FSIP2: variants seen among roughly 807,000 people sequenced by gnomAD.
FSIP2 encodes fibrous sheath interacting protein 2, also known as fibrous sheath-interacting protein 2.
A neutral mutation model predicts 510.5 loss-of-function variants in FSIP2; 367 were observed. The ratio of observed to expected loss-of-function variants is 0.72; its 90% CI spans 0.66 to 0.78. The LOEUF (loss-of-function observed/expected upper bound fraction) is 0.78. Among genes scored for constraint, FSIP2 ranks in the 30% least tolerant of loss-of-function variants. The pLI is 0.00. For synonymous variants in FSIP2, 2,601 were observed against 2,732.2 expected, an observed-to-expected ratio of 0.95 and a Z score of 1.50; for missense variants, 7,594 against 7,901.7, an observed-to-expected ratio of 0.96 and a Z score of 1.48.
chr2:185,797,133 ATT>A lies in FSIP2; in HGVS notation c.9998_9999del (p.Ile3333SerfsTer17). ...PLKICLAAEN[I>X]VNTVLSSCGF... ...CAAAATATGTTTAGCTGCAGAAAAT[ATT>A]GTCAATACTGTGCTATCCAGCTGTG... On this transcript the variant is annotated frameshift_variant, in exon 16 of 23. Coordinates refer to ENST00000424728, the MANE Select transcript of FSIP2 (RefSeq NM_173651.4). LOFTEE classifies it high-confidence loss of function. 6.5e-7 allele frequency: 1 copy of A among 1,535,048 alleles called. No individual in the cohort carries two copies. Among genetic ancestry groups the A allele is most frequent in the Non-Finnish European group, 8.7e-7 (1 of 1,146,256 alleles).
chr2:185,803,158 T>C lies in FSIP2; in HGVS notation c.13852T>C (p.Tyr4618His). 1 of 1,532,154 alleles carries C rather than the reference T, an allele frequency of 6.5e-7. No individual in the cohort carries two copies. The highest frequency in any genetic ancestry group is 8.7e-7 in the Non-Finnish European group (1 of 1,144,672). 94.9% of individuals were successfully genotyped at this position (1,532,154 alleles called of 1,614,324 possible). ...AAGGCAGTTATTTTATACCAGTGTT[T>C]ACTCTTCAACATTCTTGGAAGATGT... ...ERRQLFYTSV[Y>H]SSTFLEDVIS... The change falls in exon 17 of 23, where the codon TAC (tyrosine) becomes CAC (histidine). Residue 4618 changes from tyrosine to histidine, a missense_variant. By Grantham distance (83) the Tyr-to-His change is moderately conservative. Coordinates refer to ENST00000424728, the MANE Select transcript of FSIP2 (RefSeq NM_173651.4).
chr2:185,807,171 T>C lies in FSIP2; in HGVS notation c.17865T>C (p.Asn5955=), dbSNP rs773267885. The stretch of plus-strand genomic sequence containing the variant: ...GAAGACTAACTAGTGCAGTGATAAA[T>C]GAAATTTTCCAACGTCAGGTTAACT... ...LARRLTSAVI[N]EIFQRQVNLI... is the part of the protein sequence containing the mutation. The change falls in exon 17 of 23, where the codon AAT becomes AAC. Residue 5955 remains asparagine (N), a synonymous_variant. Coordinates refer to ENST00000424728, the MANE Select transcript of FSIP2 (RefSeq NM_173651.4). 8 of 1,601,862 alleles carry C rather than the reference T, an allele frequency of 5.0e-6. No homozygotes were observed. In the Admixed American group the frequency reaches 1.4e-4, roughly 28 times the overall value.
intron 13 of FSIP2, among the ~76,000 whole-genome samples, chr2:185,768,116 A>G (rs1434987810): frequency 1.3e-5 from 2 of 151,960 alleles, no homozygotes. Flanking sequence ...TTTATTTTTA[A>G]TAATTTTTTT....
chr2:185,760,898 A>C, intron 9 of FSIP2, 90 bp from the exon 10 acceptor site: 1 of 504,510 alleles, frequency 2.0e-6, no homozygotes, highest in Non-Finnish European at 3.4e-6. Context: ...AAATAATTAA[A>C]TAGATACAAT....
Position 185,790,407 on chromosome 2 carries a change from A to G in FSIP2, c.3271A>G (p.Ile1091Val). ...LKKKLSSNKD[I>V]STFSQDQKHQ... ...GAAAAAACTTTCTTCGAATAAAGACATTTCAACTTTCAGCCAAGATCAAAA... is the reference window on the plus strand; with the variant it reads ...GAAAAAACTTTCTTCGAATAAAGACGTTTCAACTTTCAGCCAAGATCAAAA... The change falls in exon 16 of 23, where the codon ATT becomes GTT. Residue 1091 changes from isoleucine to valine, a missense_variant. Transcript: ENST00000424728. The G allele has an allele frequency of 1.3e-6, 2 of 1,530,290 alleles. No individual in the cohort carries two copies. Among genetic ancestry groups the G allele is most frequent in the South Asian group, 1.2e-5 (1 of 82,858 alleles). The allele number at this position is 1,530,290 out of a possible 1,614,324, so 94.8% of individuals were successfully genotyped here.
chr2:185,789,829 A>T lies in FSIP2; in HGVS notation c.2693A>T (p.Gln898Leu). The T allele has an allele frequency of 6.5e-7, 1 of 1,533,076 alleles. No individual in the cohort carries two copies. The highest frequency in any genetic ancestry group is 8.7e-7 in the Non-Finnish European group (1 of 1,144,776). 95.0% of individuals were successfully genotyped at this position (1,533,076 alleles called of 1,614,324 possible). Residue 898 changes from glutamine to leucine, a missense_variant, in exon 16 of 23, where the codon CAG becomes CTG. Physicochemically the swap from Gln to Leu is moderately radical, Grantham distance 113. Coordinates refer to ENST00000424728, the MANE Select transcript of FSIP2 (RefSeq NM_173651.4). ...VQNLISNIFS[Q>L]SSLVAYIEEA... ...AATTTAATATCAAATATTTTTTCCC[A>T]GTCTTCTTTGGTTGCTTATATAGAG...
Position 185,804,357 on chromosome 2 carries a change from C to T in FSIP2, c.15051C>T (p.Tyr5017=). The T allele has an allele frequency of 1.3e-6, 2 of 1,501,210 alleles. No individual in the cohort carries two copies. Among genetic ancestry groups the T allele is most frequent in the Non-Finnish European group, 1.8e-6 (2 of 1,132,632 alleles). The allele number at this position is 1,501,210 out of a possible 1,614,324, so 93.0% of individuals were successfully genotyped here. Residue 5017 remains tyrosine, a synonymous_variant, in exon 17 of 23, where the codon TAC becomes TAT. Transcript: ENST00000424728. ...FDKNLCFSER[Y]KEMVQKIVNS... Reference sequence around the variant, plus strand: ...AAAATTTGTGTTTCTCAGAAAGATACAAAGAAATGGTTCAAAAAATAGTCA... The same window carrying T: ...AAAATTTGTGTTTCTCAGAAAGATATAAAGAAATGGTTCAAAAAATAGTCA...
At chr2:185,745,806 T>C (rs1431634415) in intron 5 of FSIP2, among the ~76,000 whole-genome samples, 1 of 152,094 alleles carries the variant, frequency 6.6e-6, no homozygotes, top group East Asian at 1.9e-4. Context: ...AGATTCAAAA[T>C]CTTTCTATAT....
intron 9 of FSIP2, among the ~76,000 whole-genome samples, chr2:185,759,696 T>C (rs1056395992): frequency 6.8e-6 from 1 of 147,796 alleles, no homozygotes; most frequent in African/African-American, 2.4e-5. Context: ...GTTTTGTTTA[T>C]AATTCTTGCA....
intron 9 of FSIP2, among the ~76,000 whole-genome samples, chr2:185,760,595 T>TA (rs1692330889): frequency 1.3e-5 from 2 of 150,112 alleles, no homozygotes; most frequent in African/African-American, 4.8e-5. Flanking sequence ...GGTAAGTGGA[T>TA]AAAAAATTAT....
At position 185,806,279 on chromosome 2, in the gene FSIP2, G is replaced by A; in HGVS notation, c.16973G>A (p.Arg5658Lys). The A allele has an allele frequency of 1.2e-6, 2 of 1,609,690 alleles. No individual in the cohort carries two copies. The highest frequency in any genetic ancestry group is 1.7e-6 in the Non-Finnish European group (2 of 1,177,718). The change falls in exon 17 of 23, where the codon AGA (arginine) becomes AAA (lysine). Residue 5658 changes from arginine to lysine, a missense_variant. Transcript: ENST00000424728. ...CGAACATCAAGCAATGAGGGGAGAAGAGACTCTCCAACACAAACGTGTAGG... is the reference window on the plus strand; with the variant it reads ...CGAACATCAAGCAATGAGGGGAGAAAAGACTCTCCAACACAAACGTGTAGG... ...RIRTSSNEGR[R>K]DSPTQTCRDE...
chr2:185,740,278 T>C (rs933019822), intron 2 of FSIP2: 1 of 152,232 alleles, frequency 6.6e-6, no homozygotes, highest in Non-Finnish European at 1.5e-5. Flanking sequence ...GCCCTTGATT[T>C]GTGTGATCTC....
At position 185,763,257 on chromosome 2, in the gene FSIP2, T is replaced by A; in HGVS notation, c.1315T>A (p.Ser439Thr). 6.6e-7 allele frequency: 1 copy of A among 1,512,436 alleles called. No homozygotes were observed. The highest frequency in any genetic ancestry group is 1.4e-5 in the African/African-American group (1 of 72,498). The allele number at this position is 1,512,436 out of a possible 1,614,324, so 93.7% of individuals were successfully genotyped here. ...ACCCACGAGAAATTTTTCCAGAGTT[T>A]CACAGGCATTTTTGGATCCTTCAAA... ...VSPTRNFSRV[S>T]QAFLDPSKEE... Residue 439 changes from serine (S) to threonine (T), a missense_variant, in exon 12 of 23, where the codon TCA becomes ACA. Ser to Thr is a moderately conservative substitution (Grantham distance 58). Coordinates refer to ENST00000424728, the MANE Select transcript of FSIP2 (RefSeq NM_173651.4).
chr2:185,806,208 C>T lies in FSIP2; in HGVS notation c.16902C>T (p.Ser5634=). 1 of 1,603,820 alleles carries T rather than the reference C, an allele frequency of 6.2e-7. No homozygotes were observed. Among genetic ancestry groups the T allele is most frequent in the Non-Finnish European group, 8.5e-7 (1 of 1,176,312 alleles). ...DKLFQLSSLK[S]KRNLGTTTDT... is the part of the protein sequence containing the mutation. ...TCTTTCAGTTATCCTCCTTGAAGTC[C>T]AAGAGAAATCTAGGGACTACAACAG... Residue 5634 remains serine, a synonymous_variant, in exon 17 of 23, where the codon TCC becomes TCT. Coordinates refer to ENST00000424728, the MANE Select transcript of FSIP2 (RefSeq NM_173651.4).
chr2:185,795,360 A>G lies in FSIP2; in HGVS notation c.8224A>G (p.Ile2742Val), dbSNP rs1312686865. The change falls in exon 16 of 23, where the codon ATA (isoleucine) becomes GTA (valine). Residue 2742 changes from isoleucine (I) to valine (V), a missense_variant. Physicochemically the swap from Ile to Val is conservative, Grantham distance 29 (BLOSUM62 3). Coordinates refer to ENST00000424728, the MANE Select transcript of FSIP2 (RefSeq NM_173651.4). ...AGAACTAAAAATATATGCCAAGGAT[A>G]TAATAATTAACATCCTAGAAACAAT... ...TSELKIYAKD[I>V]IINILETIVK... 1 of 1,534,778 alleles carries G rather than the reference A, an allele frequency of 6.5e-7. No homozygotes were observed. Among genetic ancestry groups the G allele is most frequent in the Admixed American group, 2.0e-5 (1 of 50,902 alleles).
At position 185,761,059 on chromosome 2, in the gene FSIP2, G is replaced by T; in HGVS notation, c.1150G>T (p.Val384Phe). 1 of 1,499,778 alleles carries T rather than the reference G, an allele frequency of 6.7e-7. No individual in the cohort carries two copies. The highest frequency in any genetic ancestry group is 8.9e-7 in the Non-Finnish European group (1 of 1,118,348). 92.9% of individuals were successfully genotyped at this position (1,499,778 alleles called of 1,614,324 possible). The change falls in exon 10 of 23, where the codon GTT becomes TTT. Residue 384 changes from valine to phenylalanine, a missense_variant. Val to Phe is a conservative substitution (Grantham distance 50). Transcript: ENST00000424728. ...NNFTKKNSAS[V>F]VYQADVQDNG... ...TTTTACGAAAAAAAACTCAGCTTCT[G>T]TTGTTTATCAGGCAGATGTACAGGA...
At chr2:185,798,853 C>T (rs991421982) in intron 16 of FSIP2, among the ~76,000 whole-genome samples, 7 of 151,852 alleles carry the variant, frequency 4.6e-5, no homozygotes, top group South Asian at 2.1e-4. Flanking sequence ...CCAGTGACTT[C>T]GCTCATGTTC....
chr2:185,826,854 C>T (rs13421546), intron 20 of FSIP2, among the ~76,000 whole-genome samples: 12 of 151,764 alleles, frequency 7.9e-5, no homozygotes, highest in South Asian at 2.1e-4. Context: ...TGAGATGTCA[C>T]GTAAGCAATT....
At chr2:185,815,925 G>C (rs970009894) in intron 19 of FSIP2, among the ~76,000 whole-genome samples, 1 of 152,018 alleles carries the variant, frequency 6.6e-6, no homozygotes, top group African/African-American at 2.4e-5. Flanking sequence ...GAAAGCAATG[G>C]AGTTTGACAT....
Sources: gnomAD v4.1 joint callset for allele counts (sites outside exome capture counted in the v4.1 genomes callset) on GRCh38, gnomAD v4.1.1 for gene constraint, MANE v1.5 for transcripts, NCBI Gene and HGNC (gene_info 2026-07-23, HGNC 2026-07-21) for gene names.